Variants in EPB41L2 observed in about 807,000 individuals in gnomAD.
EPB41L2 encodes the protein band 4.1-like protein 2.
In EPB41L2, 43 loss-of-function variants were observed where a neutral mutation model predicts 113.0. The observed-to-expected ratio is 0.38, with a 90% confidence interval of 0.30 to 0.49. The LOEUF (loss-of-function observed/expected upper bound fraction) is 0.49. EPB41L2 is among the 20% of genes least tolerant of loss of function. EPB41L2 has a pLI of 0.95. For missense variants in EPB41L2, 1,147 were observed against 1,223.4 expected (o/e 0.94, Z 0.93); for synonymous variants, 442 against 436.7 (o/e 1.01, Z -0.15).
intron 1 of EPB41L2, among the ~76,000 whole-genome samples, chr6:131,029,686 C>G (rs1791669545): frequency 6.6e-6 from 1 of 152,192 alleles, no homozygotes; most frequent in Non-Finnish European, 1.5e-5. Flanking sequence ...AGATTTAATA[C>G]ATTTACTTCG....
At chr6:130,863,545 G>A (rs772259574) in intron 18 of EPB41L2, 93 bp downstream of exon 18, 89 of 850,114 alleles carry the variant, frequency 1.0e-4, no homozygotes, top group Non-Finnish European at 1.6e-4. Context: ...GGTTTGGGGA[G>A]AAGAGGTTTA....
chr6:130,993,163 A>G (rs1331813918), intron 1 of EPB41L2, among the ~76,000 whole-genome samples: 4 of 152,210 alleles, frequency 2.6e-5, no homozygotes, highest in African/African-American at 9.7e-5. Flanking sequence ...TTACAATTAA[A>G]TATTTGATCC....
chr6:130,960,408 A>G (rs1773181047), intron 1 of EPB41L2, among the ~76,000 whole-genome samples: 1 of 152,226 alleles, frequency 6.6e-6, no homozygotes, highest in Non-Finnish European at 1.5e-5. Context: ...TGACCATGTA[A>G]TCATAACTGA....
At position 130,932,259 on chromosome 6, in the gene EPB41L2, T is replaced by C. The variant is rs577504455; in HGVS notation, c.706-5550A>G. 1.1e-4 allele frequency among the ~76,000 whole-genome samples: 17 copies of C among 152,094 alleles called. No homozygotes were observed. In the East Asian group the frequency reaches 3.3e-3, roughly 29 times the overall value. On this transcript the variant is annotated intron_variant, in intron 3 of 19. Transcript: ENST00000337057. Reference sequence around the variant, plus strand: ...ATTAAATTATTATGTATGCTCTTAATATACACTAATATTCCACACTTCTAT... The same window carrying C: ...ATTAAATTATTATGTATGCTCTTAACATACACTAATATTCCACACTTCTAT...
chr6:131,022,622 T>G (rs1200192440), intron 1 of EPB41L2, among the ~76,000 whole-genome samples: 2 of 152,206 alleles, frequency 1.3e-5, no homozygotes, highest in Non-Finnish European at 2.9e-5. Flanking sequence ...ATAGCACCTA[T>G]GTCAAAATTA....
chr6:130,899,354 G>A (rs572432893), intron 8 of EPB41L2, 137 bp downstream of exon 8: 2 of 664,890 alleles, frequency 3.0e-6, no homozygotes, highest in Admixed American at 2.6e-5. Flanking sequence ...AGTCACCAAG[G>A]AAATATTCCA....
At chr6:130,882,091 C>A (rs1450713258) in intron 12 of EPB41L2, 1 of 152,154 alleles carries the variant, frequency 6.6e-6, no homozygotes, top group Non-Finnish European at 1.5e-5. Flanking sequence ...ACAGTTATGT[C>A]CACTGCATCC....
At chr6:130,882,111 T>C (rs999901137) in intron 12 of EPB41L2, 43 of 152,206 alleles carry the variant, frequency 2.8e-4, no homozygotes, top group Admixed American at 1.6e-3. Flanking sequence ...CTAAATTCTA[T>C]ATCAAAACAA....
chr6:130,871,304 C>T (rs1161309527), intron 14 of EPB41L2, among the ~76,000 whole-genome samples: 1 of 152,096 alleles, frequency 6.6e-6, no homozygotes, highest in Admixed American at 6.5e-5. Flanking sequence ...GCATGGCCAA[C>T]TTTTTGACTT....
At chr6:130,907,909 G>A (rs889548210) in intron 5 of EPB41L2, among the ~76,000 whole-genome samples, 1 of 152,102 alleles carries the variant, frequency 6.6e-6, no homozygotes, top group Non-Finnish European at 1.5e-5. Flanking sequence ...CTGGAGAAGA[G>A]GTTTCTCCTG....
intron 3 of EPB41L2, among the ~76,000 whole-genome samples, chr6:130,942,559 TTGA>T (rs1320727536): frequency 6.6e-6 from 1 of 152,232 alleles, no homozygotes; most frequent in Admixed American, 6.5e-5. Flanking sequence ...ATCCCTTCAT[TTGA>T]TGAACTCTGG....
chr6:130,893,006 A>G (rs1402497340), intron 10 of EPB41L2, among the ~76,000 whole-genome samples: 1 of 152,228 alleles, frequency 6.6e-6, no homozygotes, highest in Non-Finnish European at 1.5e-5. Context: ...GCTAAACTGC[A>G]GTGAGAGAAA....
intron 19 of EPB41L2, among the ~76,000 whole-genome samples, chr6:130,857,296 TG>T (rs1780546018): frequency 6.6e-6 from 1 of 152,186 alleles, no homozygotes; most frequent in Non-Finnish European, 1.5e-5. Context: ...TTTTGTTTAT[TG>T]ATCTTTTAGT....
chr6:130,994,277 A>T (rs551623591), intron 1 of EPB41L2, among the ~76,000 whole-genome samples: 1 of 152,286 alleles, frequency 6.6e-6, no homozygotes, highest in South Asian at 2.1e-4. Context: ...TCTGATCAGG[A>T]ATCACACTTC....
chr6:130,994,519 A>C (rs1782617029), intron 1 of EPB41L2, among the ~76,000 whole-genome samples: 1 of 152,200 alleles, frequency 6.6e-6, no homozygotes, highest in Non-Finnish European at 1.5e-5. Context: ...CTATGAGAAA[A>C]GACAGGGCCT....
chr6:130,880,234 G>A (rs1788864317), intron 12 of EPB41L2, 28 bp from the exon 13 acceptor site: 2 of 1,529,154 alleles, frequency 1.3e-6, no homozygotes, highest in Non-Finnish European at 1.8e-6. Context: ...ACACAGGGGG[G>A]AAAAGGCAAA....
At chr6:130,953,216 C>A (rs781040041) in intron 3 of EPB41L2, among the ~76,000 whole-genome samples, 1 of 151,910 alleles carries the variant, frequency 6.6e-6, no homozygotes, top group African/African-American at 2.4e-5. Flanking sequence ...GTTCAAAAAA[C>A]CATTCTGTCC....
chr6:131,056,163 A>G (rs1023906787), intron 1 of EPB41L2, among the ~76,000 whole-genome samples: 4 of 152,228 alleles, frequency 2.6e-5, no homozygotes, highest in African/African-American at 9.7e-5. Context: ...GTGCAGGTAT[A>G]TTTCACACAA....
chr6:130,872,973 C>A (rs1331184646), intron 14 of EPB41L2, among the ~76,000 whole-genome samples: 1 of 152,184 alleles, frequency 6.6e-6, no homozygotes, highest in African/African-American at 2.4e-5. Flanking sequence ...CCCTTATCTG[C>A]ACATTCTGGG....
Sources: gnomAD v4.1 joint callset for allele counts (sites outside exome capture counted in the v4.1 genomes callset) on GRCh38, gnomAD v4.1.1 for gene constraint, MANE v1.5 for transcripts, NCBI Gene and HGNC (gene_info 2026-07-23, HGNC 2026-07-21) for gene names.